Variants in HRAS observed in about 807,000 individuals in gnomAD.
HRAS encodes HRas proto-oncogene, GTPase.
HRAS carries 11 observed loss-of-function variants against 19.8 expected under a neutral mutation model. That is an observed-to-expected ratio of 0.55 (90% CI 0.35 to 0.92). The LOEUF (loss-of-function observed/expected upper bound fraction) is 0.92. Among genes scored for constraint, HRAS ranks in the 40% least tolerant of loss-of-function variants. HRAS has a pLI of 0.01. For synonymous variants in HRAS, 149 were observed against 105.5 expected, an observed-to-expected ratio of 1.41 and a Z score of -2.52; for missense variants, 204 against 255.9, an observed-to-expected ratio of 0.80 and a Z score of 1.38.
intron 4 of HRAS, 126 bp from the exon 5 acceptor site, chr11:532,881 G>T: frequency 1.1e-6 from 1 of 918,860 alleles, no homozygotes; most frequent in Non-Finnish European, 1.7e-6. Flanking sequence ...CACTTCCCCA[G>T]GCCCACCACA....
chr11:533,301 T>A (rs1418944358), intron 4 of HRAS, 152 bp downstream of exon 4: 27 of 1,600,340 alleles, frequency 1.7e-5, no homozygotes, highest in Non-Finnish European at 2.3e-5. Flanking sequence ...CTGGGTCACA[T>A]GGGTCCCGGG....
rs2133980575 is a variant in HRAS at position 532,318 on chromosome 11, G to C, written c.*210C>G. On this transcript the variant is annotated 3_prime_UTR_variant, in exon 6 of 6. Coordinates refer to ENST00000311189, the MANE Select transcript of HRAS (RefSeq NM_005343.4). The stretch of plus-strand genomic sequence containing the variant: ...CACAGAGGCCTGGGAGGGGAGCTAA[G>C]GGCTGGGGTTCCGGTGGCATTTGGG... 1 of 506,978 alleles carries C rather than the reference G, an allele frequency of 2.0e-6. No homozygotes were observed. Among genetic ancestry groups the C allele is most frequent in the Admixed American group, 3.3e-5 (1 of 30,654 alleles). 31.4% of individuals were successfully genotyped at this position (506,978 alleles called of 1,614,324 possible).
At position 533,620 on chromosome 11, in the gene HRAS, GT is replaced by G. The variant is rs749335082; in HGVS notation, c.291-9del. 3 of 1,613,594 alleles carry G rather than the reference GT, an allele frequency of 1.9e-6. No homozygotes were observed. Among genetic ancestry groups the G allele is most frequent in the Non-Finnish European group, 2.5e-6 (3 of 1,179,970 alleles). Reference sequence around the variant, plus strand: ...ACCCGTTTGATCTGCTCCCTGAGAGGTGGAAAGCGAGAGCTGGCTACGGGGG... The same window carrying G: ...ACCCGTTTGATCTGCTCCCTGAGAGGGGAAAGCGAGAGCTGGCTACGGGGG... On this transcript the variant is annotated splice_polypyrimidine_tract_variant and intron_variant, in intron 3 of 5. Coordinates refer to ENST00000311189, the MANE Select transcript of HRAS (RefSeq NM_005343.4).
chr11:535,328 C>A (rs112334292), intron 1 of HRAS, 88 bp downstream of exon 1: 145 of 146,528 alleles, frequency 9.9e-4, no homozygotes, highest in Non-Finnish European at 1.8e-3. Context: ...CGCCCGCCGG[C>A]CCCGCGCCCC....
intron 3 of HRAS, 32 bp downstream of exon 3, chr11:533,734 G>C (rs757406884): frequency 6.2e-7 from 1 of 1,612,246 alleles, no homozygotes. Flanking sequence ...CCTGTGCGGC[G>C]TGGGCTCCCG....
intron 4 of HRAS, 71 bp from the exon 5 acceptor site, chr11:532,826 G>A (rs1156911285): frequency 1.7e-5 from 26 of 1,499,008 alleles, no homozygotes; most frequent in Non-Finnish European, 4.6e-6. Context: ...GCTCCCTGCT[G>A]TGGGATCAAG....
chr11:533,744 G>A (rs917139551), intron 3 of HRAS, 22 bp downstream of exon 3: 12 of 1,612,954 alleles, frequency 7.4e-6, no homozygotes, highest in South Asian at 2.2e-5. Context: ...GTGGGCTCCC[G>A]GGCCAGCCTC....
chr11:533,815 C>CA lies in HRAS; in HGVS notation c.240dup (p.Val81CysfsTer11). 1 of 1,613,424 alleles carries CA rather than the reference C, an allele frequency of 6.2e-7. No homozygotes were observed. Among genetic ancestry groups the CA allele is most frequent in the East Asian group, 2.2e-5 (1 of 44,884 alleles). ...GACTTGGTGTTGTTGATGGCAAACA[C>CA]ACACAGGAAGCCCTCCCCGGTGCGC... On this transcript the variant is annotated frameshift_variant, in exon 3 of 6. Transcript: ENST00000311189. LOFTEE classifies it high-confidence loss of function.
chr11:535,306 C>CGCTGCCGCCGCCGCCGCT (rs1007825297), intron 1 of HRAS, 110 bp downstream of exon 1: 1 of 146,208 alleles, frequency 6.8e-6, no homozygotes, highest in Non-Finnish European at 1.5e-5. Flanking sequence ...CCGCCGCCGC[C>CGCTGCCGCCGCCGCCGCT]GCCGCCGCTT....
intron 4 of HRAS, 95 bp from the exon 5 acceptor site, chr11:532,850 G>C: frequency 2.4e-6 from 3 of 1,262,978 alleles, no homozygotes; most frequent in Non-Finnish European, 3.4e-6. Context: ...TGCCTGGCCC[G>C]AAGCTCCCGA....
Position 533,878 on chromosome 11 carries a change from C to G in HRAS, c.178G>C (p.Gly60Arg), listed in dbSNP as rs1589792804. ...TCLLDILDTA[G>R]QEEYSAMRDQ... ...CGCATGGCGCTGTACTCCTCCTGGCCGGCGGTATCCAGGATGTCCAACAGG... is the reference window on the plus strand; with the variant it reads ...CGCATGGCGCTGTACTCCTCCTGGCGGGCGGTATCCAGGATGTCCAACAGG... The change falls in exon 3 of 6, where the codon GGC becomes CGC. Residue 60 changes from glycine to arginine, a missense_variant. By Grantham distance (125) the Gly-to-Arg change is moderately radical. This residue lies in a region of HRAS where 51 missense variants were observed against 79.0 expected (regional missense o/e 0.65). Transcript: ENST00000311189. The G allele has an allele frequency of 6.2e-7, 1 of 1,613,278 alleles. No individual in the cohort carries two copies. The highest frequency in any genetic ancestry group is 8.5e-7 in the Non-Finnish European group (1 of 1,179,940).
chr11:534,333 G>A lies in HRAS; in HGVS notation c.-11C>T. ...CTTATATTCCGTCATCGCTCCTCAG[G>A]GGCCTGCGGCCCGGGGTCCTCCTAC... is the stretch of plus-strand genomic sequence containing the variant. On this transcript the variant is annotated 5_prime_UTR_variant, in exon 2 of 6. Transcript: ENST00000311189. The A allele has an allele frequency of 6.2e-7, 1 of 1,607,758 alleles. No homozygotes were observed. Among genetic ancestry groups the A allele is most frequent in the Non-Finnish European group, 8.5e-7 (1 of 1,177,534 alleles).
rs878854758 is a variant in HRAS, at chr11:533,760, G to T, written c.290+6C>A. On this transcript the variant is annotated splice_donor_region_variant and intron_variant, in intron 3 of 5. Transcript: ENST00000311189. ...TGGGCTCCCGGGCCAGCCTCACGGG[G>T]TTCACCTGTACTGGTGGATGTCCTC... The T allele has an allele frequency of 4.3e-6, 7 of 1,613,226 alleles. No individual in the cohort carries two copies. Among genetic ancestry groups the T allele is most frequent in the East Asian group, 2.2e-5 (1 of 44,880 alleles).
intron 2 of HRAS, 98 bp downstream of exon 2, chr11:534,114 C>G: frequency 8.4e-7 from 1 of 1,191,474 alleles, no homozygotes; most frequent in Non-Finnish European, 1.2e-6. Context: ...GCCACAGCAC[C>G]ATGCAGGGGA....
At chr11:533,683 G>A in intron 3 of HRAS, 71 bp from the exon 4 acceptor site, 4 of 1,611,716 alleles carry the variant, frequency 2.5e-6, no homozygotes, top group Admixed American at 1.7e-5. Context: ...TGCGCAGAGA[G>A]GACAGGAGGC....
chr11:533,193 G>T (rs1851213052), intron 4 of HRAS: 1 of 1,243,698 alleles, frequency 8.0e-7, no homozygotes, highest in Non-Finnish European at 1.1e-6. Flanking sequence ...CTTCCCCGGA[G>T]CTGTGTCGGC....
At chr11:533,265 C>T (rs1269830514) in intron 4 of HRAS, 188 bp downstream of exon 4, 1 of 1,573,772 alleles carries the variant, frequency 6.4e-7, no homozygotes, top group Non-Finnish European at 8.6e-7. Context: ...CCTGCCGTCC[C>T]GGGAGACTTA....
chr11:533,757 G>A lies in HRAS; in HGVS notation c.290+9C>T, dbSNP rs747854581. 10 of 1,613,042 alleles carry A rather than the reference G, an allele frequency of 6.2e-6. No individual in the cohort carries two copies. The East Asian group carries it at 1.6e-4, about 25-fold the overall frequency. On this transcript the variant is annotated intron_variant, in intron 3 of 5. Coordinates refer to ENST00000311189, the MANE Select transcript of HRAS (RefSeq NM_005343.4). ...GCGTGGGCTCCCGGGCCAGCCTCAC[G>A]GGGTTCACCTGTACTGGTGGATGTC... is the stretch of plus-strand genomic sequence containing the variant.
chr11:535,335 C>T (rs1261633670), intron 1 of HRAS, 81 bp downstream of exon 1: 3 of 146,572 alleles, frequency 2.0e-5, no homozygotes, highest in Non-Finnish European at 3.0e-5. Context: ...CGGCCCCGCG[C>T]CCCCGGCCCG....
Sources: gnomAD v4.1 joint callset for allele counts on GRCh38, gnomAD v4.1.1 for gene constraint, gnomAD v4.1.1 regional missense constraint, MANE v1.5 for transcripts, NCBI Gene and HGNC (gene_info 2026-07-23, HGNC 2026-07-21) for gene names.